GABRG3: variants seen among roughly 807,000 people sequenced by gnomAD.
GABRG3 encodes the protein gamma-aminobutyric acid type A receptor subunit gamma3, also known as gamma-aminobutyric acid receptor subunit gamma-3.
GABRG3 carries 25 observed loss-of-function variants against 48.8 expected under a neutral mutation model. That is an observed-to-expected ratio of 0.51 (90% CI 0.37 to 0.72). GABRG3 has a LOEUF of 0.72. Ranked by LOEUF, GABRG3 falls within the 30% of genes least tolerant of loss-of-function variation. The pLI, the probability that GABRG3 is intolerant of heterozygous loss-of-function variation, is 0.00. For synonymous variants in GABRG3, 227 were observed against 217.6 expected (o/e 1.04, Z -0.38); for missense variants, 394 against 577.9 (o/e 0.68, Z 3.26).
intron 5 of GABRG3, among the ~76,000 whole-genome samples, chr15:27,344,846 C>A (rs1404868960): frequency 6.6e-6 from 1 of 151,928 alleles, no homozygotes; most frequent in Non-Finnish European, 1.5e-5. Flanking sequence ...TTCAATTCTT[C>A]CAGTTTTACC....
chr15:27,497,383 T>C (rs892843826), intron 6 of GABRG3, among the ~76,000 whole-genome samples: 1 of 152,178 alleles, frequency 6.6e-6, no homozygotes, highest in Admixed American at 6.5e-5. Flanking sequence ...TGTCTGCCCA[T>C]GTATTGATTC....
chr15:27,517,117 C>G (rs1891038091), intron 6 of GABRG3, among the ~76,000 whole-genome samples: 1 of 87,432 alleles, frequency 1.1e-5, no homozygotes, highest in South Asian at 3.1e-4. Context: ...GGGACTTTGA[C>G]TAGTGCCGCC....
At chr15:27,400,433 T>C (rs1887441766) in intron 5 of GABRG3, among the ~76,000 whole-genome samples, 1 of 152,268 alleles carries the variant, frequency 6.6e-6, no homozygotes, top group Non-Finnish European at 1.5e-5. Context: ...TTACAATGAC[T>C]AAAATGCTGC....
At chr15:27,116,203 A>G (rs1897638772) in intron 3 of GABRG3, among the ~76,000 whole-genome samples, 1 of 152,222 alleles carries the variant, frequency 6.6e-6, no homozygotes, top group African/African-American at 2.4e-5. Flanking sequence ...ACTTAGCAGG[A>G]TTCATGCTAC....
intron 3 of GABRG3, among the ~76,000 whole-genome samples, chr15:27,050,467 T>G (rs1364917479): frequency 1.3e-5 from 2 of 152,126 alleles, no homozygotes; most frequent in Admixed American, 6.5e-5. Context: ...CACACACCAT[T>G]GCCTTGCCCT....
At chr15:27,269,552 A>G (rs1362611758) in intron 3 of GABRG3, among the ~76,000 whole-genome samples, 1 of 152,154 alleles carries the variant, frequency 6.6e-6, no homozygotes, top group African/African-American at 2.4e-5. Flanking sequence ...CATTTTCTAC[A>G]TATCTCCCTC....
intron 5 of GABRG3, among the ~76,000 whole-genome samples, chr15:27,329,973 G>A (rs1893748878): frequency 6.6e-6 from 1 of 152,194 alleles, no homozygotes; most frequent in Non-Finnish European, 1.5e-5. Flanking sequence ...TGGGCGTGGT[G>A]GCTCACGCCT....
intron 5 of GABRG3, among the ~76,000 whole-genome samples, chr15:27,412,656 G>T (rs1359418599): frequency 6.6e-6 from 1 of 152,212 alleles, no homozygotes; most frequent in Non-Finnish European, 1.5e-5. Flanking sequence ...CTTGAACGTG[G>T]AAGAGGCAGC....
At chr15:27,189,170 C>T (rs1595574536) in intron 3 of GABRG3, among the ~76,000 whole-genome samples, 1 of 151,738 alleles carries the variant, frequency 6.6e-6, no homozygotes, top group East Asian at 1.9e-4. Context: ...ATGATGCCTC[C>T]AGCTTTGTTC....
At chr15:27,239,423 G>C (rs1345128648) in intron 3 of GABRG3, among the ~76,000 whole-genome samples, 1 of 152,096 alleles carries the variant, frequency 6.6e-6, no homozygotes. Flanking sequence ...GCTAAATATT[G>C]ATTCTTTCAA....
chr15:27,522,071 T>G (rs1891172634), intron 7 of GABRG3, among the ~76,000 whole-genome samples: 1 of 151,924 alleles, frequency 6.6e-6, no homozygotes, highest in South Asian at 2.1e-4. Context: ...ACCATCATAG[T>G]CCAAATGATG....
intron 3 of GABRG3, among the ~76,000 whole-genome samples, chr15:27,324,477 ACT>A (rs1893537880): frequency 6.6e-6 from 1 of 151,848 alleles, no homozygotes; most frequent in Non-Finnish European, 1.5e-5. Context: ...TTTCACTCTT[ACT>A]CTTGCCTCCA....
rs376831048 is a variant in GABRG3, at chr15:27,316,336, C to T, written c.271-10473C>T. ...CCGGGAGGCAGAGCTTGCAGTGAGC[C>T]GAGATCCCGCCACTGCACTCCAGCC... On this transcript the variant is annotated intron_variant, in intron 3 of 9. Coordinates refer to ENST00000615808, the MANE Select transcript of GABRG3 (RefSeq NM_033223.5). 6.8e-4 allele frequency among the ~76,000 whole-genome samples: 95 copies of T among 139,832 alleles called. 3 individuals carry two copies. In the East Asian group the frequency reaches 0.018, roughly 26 times the overall value. The allele number at this position is 139,832 out of a possible 152,430, so 91.7% of individuals were successfully genotyped here. A position where few individuals can be genotyped will look rare whatever the true frequency, so the allele number is the denominator to read the frequency against.
At chr15:26,999,927 A>G (rs1482212017) in intron 2 of GABRG3, among the ~76,000 whole-genome samples, 1 of 152,116 alleles carries the variant, frequency 6.6e-6, no homozygotes, top group African/African-American at 2.4e-5. Flanking sequence ...AATCTCAGAT[A>G]TCTTAGTTTT....
At chr15:27,328,725 C>T in intron 4 of GABRG3, 81 bp from the exon 5 acceptor site, 1 of 1,167,770 alleles carries the variant, frequency 8.6e-7, no homozygotes, top group Non-Finnish European at 1.3e-6. Flanking sequence ...CCCTCTCCAT[C>T]CCCACATGGG....
At chr15:27,278,297 G>T (rs531496757) in intron 3 of GABRG3, among the ~76,000 whole-genome samples, 1 of 152,130 alleles carries the variant, frequency 6.6e-6, no homozygotes, top group South Asian at 2.1e-4. Context: ...TGATCCGCCC[G>T]CCTCGGCCTC....
chr15:27,501,069 A>T (rs1479974436), intron 6 of GABRG3, among the ~76,000 whole-genome samples: 2 of 148,146 alleles, frequency 1.4e-5, no homozygotes, highest in African/African-American at 5.1e-5. Context: ...CTCCTGCCTC[A>T]GCCTCCCGAG....
At chr15:27,307,363 C>CATAGGTTTATATATGTTTATATATAAA (rs1892626888) in intron 3 of GABRG3, among the ~76,000 whole-genome samples, 11 of 25,820 alleles carry the variant, frequency 4.3e-4, no homozygotes, top group African/African-American at 1.5e-3. Flanking sequence ...TTATATATAA[C>CATAGGTTTATATATGTTTATATATAAA]CATATAGGTT....
chr15:27,232,751 A>T (rs1483674623), intron 3 of GABRG3, among the ~76,000 whole-genome samples: 5 of 152,238 alleles, frequency 3.3e-5, no homozygotes, highest in Non-Finnish European at 5.9e-5. Context: ...TACATTATGA[A>T]TTCAAATAAT....
Sources: allele counts gnomAD v4.1 joint callset (sites outside exome capture counted in the v4.1 genomes callset), GRCh38; gene constraint gnomAD v4.1.1; transcripts MANE v1.5; gene names NCBI Gene and HGNC (gene_info 2026-07-23, HGNC 2026-07-21).